RYR3: variants seen among roughly 807,000 people sequenced by gnomAD.
RYR3 encodes ryanodine receptor 3, also known as brain ryanodine receptor-calcium release channel.
RYR3 carries 207 observed loss-of-function variants against 584.3 expected under a neutral mutation model. That is an observed-to-expected ratio of 0.35 (90% CI 0.32 to 0.40). The LOEUF (loss-of-function observed/expected upper bound fraction) is 0.40, where lower values mean the gene tolerates loss of function less well. RYR3 is among the 10% of genes least tolerant of loss of function. The pLI, the probability that RYR3 is intolerant of heterozygous loss-of-function variation, is 1.00. For synonymous variants in RYR3, 2,416 were observed against 2,248.5 expected (o/e 1.07, Z -2.11); for missense variants, 5,616 against 6,089.2 (o/e 0.92, Z 2.59).
chr15:33,405,399 T>G (rs931401354), intron 1 of RYR3, among the ~76,000 whole-genome samples: 11 of 152,172 alleles, frequency 7.2e-5, no homozygotes, highest in Non-Finnish European at 1.6e-4. Context: ...TCACTGAGTA[T>G]ATGGCCAAGA....
intron 12 of RYR3, 82 bp downstream of exon 12, chr15:33,566,881 T>C (rs749888179): frequency 3.5e-6 from 5 of 1,445,898 alleles, no homozygotes; most frequent in Non-Finnish European, 4.8e-6. Flanking sequence ...CTTTTGATAC[T>C]GTGAATGTTT....
At chr15:33,837,547 C>T in intron 88 of RYR3, 84 bp from the exon 89 acceptor site, 1 of 1,431,424 alleles carries the variant, frequency 7.0e-7, no homozygotes, top group Non-Finnish European at 9.2e-7. Flanking sequence ...GCACAAAAGT[C>T]TTCTAAAAAT....
intron 27 of RYR3, 53 bp from the exon 28 acceptor site, chr15:33,644,258 T>A: frequency 6.8e-7 from 1 of 1,467,570 alleles, no homozygotes. Context: ...TGCCTCGGAG[T>A]TTCCTGGGAT....
chr15:33,610,339 A>G (rs1238372451), intron 18 of RYR3, among the ~76,000 whole-genome samples: 2 of 152,146 alleles, frequency 1.3e-5, no homozygotes, highest in African/African-American at 4.8e-5. Context: ...CTCTCCCTCT[A>G]GAAGGCAACA....
At chr15:33,820,046 A>G (rs996958124) in intron 77 of RYR3, among the ~76,000 whole-genome samples, 1 of 152,218 alleles carries the variant, frequency 6.6e-6, no homozygotes, top group Non-Finnish European at 1.5e-5. Flanking sequence ...TCACACTGAC[A>G]TTTCTAAAGC....
rs150540937 is a variant in RYR3, at chr15:33,817,441, A to T, written c.10599+483A>T. The stretch of plus-strand genomic sequence containing the variant: ...CTAAAGCCACTTAAAATGACACAAG[A>T]GGGGAAAACTTACTGCAGAGGTGCC... On this transcript the variant is annotated intron_variant, in intron 75 of 103. Transcript: ENST00000634891. Among the ~76,000 whole-genome samples, 1,293 of 152,294 alleles carry T rather than the reference A, an allele frequency of 8.5e-3. 15 individuals carry two copies. The highest frequency in any genetic ancestry group is 0.03 in the African/African-American group (1,235 of 41,560).
At chr15:33,384,236 A>G (rs990413985) in intron 1 of RYR3, among the ~76,000 whole-genome samples, 8 of 152,154 alleles carry the variant, frequency 5.3e-5, no homozygotes, top group Admixed American at 1.3e-4. Context: ...TTAAGCTTTC[A>G]GAGAGGATAG....
At chr15:33,479,968 G>T (rs183065077) in intron 2 of RYR3, among the ~76,000 whole-genome samples, 1 of 152,278 alleles carries the variant, frequency 6.6e-6, no homozygotes, top group African/African-American at 2.4e-5. Context: ...ATATAAATGA[G>T]AATATCATGT....
chr15:33,821,259 T>C lies in RYR3; in HGVS notation c.10816-11T>C. 8 of 1,581,000 alleles carry C rather than the reference T, an allele frequency of 5.1e-6. No homozygotes were observed. Among genetic ancestry groups the C allele is most frequent in the South Asian group, 1.2e-5 (1 of 85,954 alleles). ...GAACCAATCTTTCCCTGTGATTTTT[T>C]TTCCCCCCAGGAGAAAGAGATGGAG... On this transcript the variant is annotated splice_polypyrimidine_tract_variant and intron_variant, in intron 78 of 103. Coordinates refer to ENST00000634891, the MANE Select transcript of RYR3 (RefSeq NM_001036.6).
intron 94 of RYR3, chr15:33,849,370 C>T (rs987442924): frequency 6.6e-6 from 1 of 152,110 alleles, no homozygotes; most frequent in African/African-American, 2.4e-5. Context: ...TGAACTTGCA[C>T]AAGGTAATCA....
At chr15:33,642,152 AC>A (rs1446160886) in intron 27 of RYR3, among the ~76,000 whole-genome samples, 2 of 152,124 alleles carry the variant, frequency 1.3e-5, no homozygotes, top group Non-Finnish European at 2.9e-5. Flanking sequence ...TGCAGTTATT[AC>A]CTTTTCCCCC....
chr15:33,741,013 G>T (rs55779931), intron 51 of RYR3, among the ~76,000 whole-genome samples: 30,083 of 152,200 alleles, frequency 0.2, 3,121 homozygotes, highest in African/African-American at 0.27. Flanking sequence ...TATAAAAAGG[G>T]AACAGTGCTA....
intron 4 of RYR3, among the ~76,000 whole-genome samples, chr15:33,531,836 C>T (rs927798804): frequency 6.6e-6 from 1 of 152,020 alleles, no homozygotes; most frequent in Non-Finnish European, 1.5e-5. Flanking sequence ...GAAGGTGATA[C>T]TATCTTTCAG....
chr15:33,360,911 T>TCTGTCTAC (rs1974672027), intron 1 of RYR3, among the ~76,000 whole-genome samples: 6 of 152,158 alleles, frequency 3.9e-5, no homozygotes, highest in Non-Finnish European at 8.8e-5. Context: ...TGAGCAGAGG[T>TCTGTCTAC]TGCACACCCA....
intron 48 of RYR3, 83 bp from the exon 49 acceptor site, chr15:33,736,152 C>T: frequency 1.1e-6 from 1 of 878,182 alleles, no homozygotes; most frequent in Non-Finnish European, 1.8e-6. Flanking sequence ...CTGTAATATG[C>T]TTATTGTTCA....
At chr15:33,688,103 A>C (rs2065145371) in intron 38 of RYR3, among the ~76,000 whole-genome samples, 1 of 152,238 alleles carries the variant, frequency 6.6e-6, no homozygotes, top group Non-Finnish European at 1.5e-5. Context: ...CAGCAAAAGA[A>C]ACTACCATCA....
At chr15:33,599,628 T>C (rs2059565522) in intron 16 of RYR3, among the ~76,000 whole-genome samples, 1 of 151,962 alleles carries the variant, frequency 6.6e-6, no homozygotes, top group Non-Finnish European at 1.5e-5. Context: ...AGCAGAGGAG[T>C]GACTGAATAG....
intron 67 of RYR3, among the ~76,000 whole-genome samples, chr15:33,789,371 C>T (rs1241675322): frequency 1.3e-5 from 2 of 151,450 alleles, no homozygotes; most frequent in Non-Finnish European, 2.9e-5. Context: ...GGAAGAAGAC[C>T]AGTGGGAGGT....
chr15:33,649,886 C>T (rs1001146945), intron 31 of RYR3, among the ~76,000 whole-genome samples: 2 of 152,206 alleles, frequency 1.3e-5, no homozygotes, highest in African/African-American at 2.4e-5. Context: ...TCCCCACCTA[C>T]GTGAGGTACA....
Sources: gnomAD v4.1 joint callset for allele counts (sites outside exome capture counted in the v4.1 genomes callset) on GRCh38, gnomAD v4.1.1 for gene constraint, MANE v1.5 for transcripts, NCBI Gene and HGNC (gene_info 2026-07-23, HGNC 2026-07-21) for gene names.